ENKUR: variants seen among roughly 807,000 people sequenced by gnomAD.
ENKUR encodes the protein enkurin, TRPC channel interacting protein, also known as enkurin.
ENKUR carries 19 observed loss-of-function variants against 27.6 expected under a neutral mutation model. The observed-to-expected ratio is 0.69, with a 90% confidence interval of 0.48 to 1.01. ENKUR has a LOEUF of 1.01. Among genes scored for constraint, ENKUR ranks in the 50% least tolerant of loss-of-function variants. The probability of loss-of-function intolerance (pLI) is 0.00; values close to 1 mark genes in which losing one functional copy is unlikely to be tolerated. For synonymous variants in ENKUR, 117 were observed against 96.9 expected, an observed-to-expected ratio of 1.21 and a Z score of -1.22; for missense variants, 312 against 310.5, an observed-to-expected ratio of 1.00 and a Z score of -0.04.
chr10:24,990,730 C>A, intron 3 of ENKUR, 121 bp from the exon 4 acceptor site: 1 of 1,002,494 alleles, frequency 1.0e-6, no homozygotes, highest in Non-Finnish European at 1.4e-6. Flanking sequence ...GTTCAAAACC[C>A]TGTAAATTGA....
intron 2 of ENKUR, among the ~76,000 whole-genome samples, chr10:25,032,010 T>A (rs888366137): frequency 1.3e-5 from 2 of 152,138 alleles, no homozygotes; most frequent in African/African-American, 4.8e-5. Context: ...TCATTTGAAA[T>A]TTGTTTCTGT....
Position 25,016,101 on chromosome 10 carries a change from C to T in ENKUR, c.-165G>A, listed in dbSNP as rs1289013862. 1.5e-6 allele frequency: 2 copies of T among 1,300,972 alleles called. No individual in the cohort carries two copies. Among genetic ancestry groups the T allele is most frequent in the African/African-American group, 1.5e-5 (1 of 66,120 alleles). 80.6% of individuals were successfully genotyped at this position (1,300,972 alleles called of 1,614,324 possible). A position where few individuals can be genotyped will look rare whatever the true frequency, so the allele number is the denominator to read the frequency against. ...CCCCCTTTAACCCCCTCTTAGCAGT[C>T]CTCTCTCGGGAAGAAAACACCCTAT... On this transcript the variant is annotated 5_prime_UTR_variant, in exon 1 of 6. Transcript: ENST00000331161.
At chr10:24,996,259 C>CA (rs1344076871) in intron 2 of ENKUR, among the ~76,000 whole-genome samples, 1 of 152,096 alleles carries the variant, frequency 6.6e-6, no homozygotes, top group South Asian at 2.1e-4. Flanking sequence ...CCCATCTCTG[C>CA]AAAAAATGCA....
chr10:25,059,950 C>A (rs1244992683), intron 2 of ENKUR, among the ~76,000 whole-genome samples: 1 of 152,158 alleles, frequency 6.6e-6, no homozygotes, highest in East Asian at 1.9e-4. Flanking sequence ...CACCATTTTG[C>A]CTCGGGCAGC....
chr10:25,000,001 TTTTAA>T (rs755686626), intron 1 of ENKUR, among the ~76,000 whole-genome samples: 2 of 152,146 alleles, frequency 1.3e-5, no homozygotes, highest in African/African-American at 4.8e-5. Flanking sequence ...CTTACTTTGG[TTTTAA>T]TTTGTTTTTC....
intron 1 of ENKUR, among the ~76,000 whole-genome samples, chr10:25,001,096 A>C (rs1850180248): frequency 6.6e-6 from 1 of 152,062 alleles, no homozygotes; most frequent in Non-Finnish European, 1.5e-5. Context: ...ATTGTATTTT[A>C]AATACATTTG....
intron 2 of ENKUR, chr10:25,023,578 G>A: frequency 6.2e-7 from 1 of 1,614,126 alleles, no homozygotes; most frequent in Non-Finnish European, 8.5e-7. Flanking sequence ...AGGAAAAGCT[G>A]TGTTAAACTT....
intron 2 of ENKUR, among the ~76,000 whole-genome samples, chr10:25,060,642 G>C (rs1321651136): frequency 6.6e-6 from 1 of 152,126 alleles, no homozygotes; most frequent in Non-Finnish European, 1.5e-5. Context: ...GAATGCTAGA[G>C]ACTTCACTCT....
chr10:24,983,125 T>C lies in ENKUR; in HGVS notation c.*1245A>G, dbSNP rs1305017668. On this transcript the variant is annotated 3_prime_UTR_variant, in exon 6 of 6. Coordinates refer to ENST00000331161, the MANE Select transcript of ENKUR (RefSeq NM_145010.4). ...GACAAAAGGAGACTGGGTCCCTGAG[T>C]GACTGCATGGAACAGACTTATACCC... The C allele has an allele frequency of 6.6e-6, 1 of 152,214 alleles. No individual in the cohort carries two copies. Among genetic ancestry groups the C allele is most frequent in the African/African-American group, 2.4e-5 (1 of 41,462 alleles). 9.4% of individuals were successfully genotyped at this position (152,214 alleles called of 1,614,324 possible).
At chr10:25,024,405 T>G in intron 2 of ENKUR, 1 of 1,613,956 alleles carries the variant, frequency 6.2e-7, no homozygotes, top group Non-Finnish European at 8.5e-7. Context: ...GTCGTCTAAA[T>G]AAGAATGATA....
chr10:25,007,521 G>A (rs897795017), intron 1 of ENKUR, among the ~76,000 whole-genome samples: 1 of 152,068 alleles, frequency 6.6e-6, no homozygotes, highest in African/African-American at 2.4e-5. Flanking sequence ...TGCAAGCTCC[G>A]CCTCCCGGGT....
At chr10:25,013,970 G>T (rs1432711610) in intron 1 of ENKUR, among the ~76,000 whole-genome samples, 1 of 151,834 alleles carries the variant, frequency 6.6e-6, no homozygotes, top group Non-Finnish European at 1.5e-5. Context: ...AAAAAAAAGG[G>T]TGACAGATTT....
At position 25,027,356 on chromosome 10, in the gene ENKUR, TCAAAAAAAAAAAAAAAAA is replaced by T. The variant is rs551573863; in HGVS notation, c.38-31505_38-31488del. Among the ~76,000 whole-genome samples the T allele has an allele frequency of 1.5e-4, 7 of 45,736 alleles. 1 individual carries two copies. In the South Asian group the frequency reaches 2.4e-3, roughly 16 times the overall value. 30.0% of individuals were successfully genotyped at this position (45,736 alleles called of 152,430 possible). On this transcript the variant is annotated intron_variant, in intron 2 of 5. Coordinates refer to the ENKUR transcript ENST00000615958. ...TGGGTGACAGAGCAAGACTCCCGTC[TCAAAAAAAAAAAAAAAAA>T]AAAAAAAAAAAAACTAGCCAGGCAT...
chr10:25,011,141 C>G (rs557247981), intron 1 of ENKUR, among the ~76,000 whole-genome samples: 1 of 152,000 alleles, frequency 6.6e-6, no homozygotes, highest in African/African-American at 2.4e-5. Context: ...GCCATTCTAA[C>G]TGGTGTGAGA....
chr10:25,052,572 G>A (rs1277949096), intron 2 of ENKUR, among the ~76,000 whole-genome samples: 1 of 152,086 alleles, frequency 6.6e-6, no homozygotes, highest in African/African-American at 2.4e-5. Context: ...TTTGAGACCA[G>A]CCTGGGAAAC....
chr10:25,024,873 T>C (rs1178512352), intron 2 of ENKUR: 7 of 1,613,984 alleles, frequency 4.3e-6, no homozygotes, highest in Non-Finnish European at 5.9e-6. Context: ...GACATTATGA[T>C]CTAAGGGAAA....
chr10:25,019,673 A>G (rs1850678967), upstream of ENKUR, among the ~76,000 whole-genome samples: 1 of 152,226 alleles, frequency 6.6e-6, no homozygotes, highest in African/African-American at 2.4e-5. Flanking sequence ...GCACATCTGC[A>G]GATTTTTCTC....
intron 2 of ENKUR, chr10:25,024,146 C>T (rs752725022): frequency 1.8e-4 from 293 of 1,613,998 alleles, no homozygotes; most frequent in Middle Eastern, 1.2e-3. Flanking sequence ...ATACCTGCTG[C>T]CAGGTTGGGA....
At chr10:25,023,601 A>G (rs1310069159) in intron 2 of ENKUR, 2 of 1,614,138 alleles carry the variant, frequency 1.2e-6, no homozygotes, top group South Asian at 1.1e-5. Context: ...CTGCATCTGG[A>G]AGTGTGATTT....
Sources: allele counts gnomAD v4.1 joint callset (sites outside exome capture counted in the v4.1 genomes callset), GRCh38; gene constraint gnomAD v4.1.1; transcripts MANE v1.5; gene names NCBI Gene and HGNC (gene_info 2026-07-23, HGNC 2026-07-21).